The following CPB2 variants were observed in gnomAD, a reference collection of about 807,000 sequenced individuals.
CPB2 encodes carboxypeptidase B-like protein.
Under a neutral mutation model 57.0 loss-of-function variants are expected in CPB2, and 54 were observed. The observed-to-expected ratio is 0.95, with a 90% CI of 0.76 to 1.19. CPB2 has a LOEUF of 1.19. Among genes scored for constraint, CPB2 ranks in the 50% most tolerant of loss-of-function variants. The pLI is 0.00. For synonymous variants in CPB2, 189 were observed against 178.1 expected (o/e 1.06, Z -0.49); for missense variants, 426 against 512.0 (o/e 0.83, Z 1.62).
chr13:46,093,071 C>A (rs188234235), intron 1 of CPB2, among the ~76,000 whole-genome samples: 1 of 152,206 alleles, frequency 6.6e-6, no homozygotes, highest in East Asian at 1.9e-4. Flanking sequence ...CACCACCATG[C>A]CCGGCTAATT....
chr13:46,102,555 A>C lies in CPB2; in HGVS notation c.74+2381T>G, dbSNP rs537849863. Among the ~76,000 whole-genome samples, 190 of 148,184 alleles carry C rather than the reference A, an allele frequency of 1.3e-3. 2 individuals are homozygous for C. Among genetic ancestry groups the C allele is most frequent in the African/African-American group, 4.3e-3 (176 of 40,544 alleles). On this transcript the variant is annotated intron_variant, in intron 1 of 10. Coordinates refer to ENST00000181383, the MANE Select transcript of CPB2 (RefSeq NM_001872.5). ...ATGATTATGACAAAAAAAAAAAAAA[A>C]AACAAAGAACAGCTTTAAGAAAAAG...
At chr13:46,054,667 T>A (rs2044669096) in intron 10 of CPB2, among the ~76,000 whole-genome samples, 1 of 152,026 alleles carries the variant, frequency 6.6e-6, no homozygotes, top group African/African-American at 2.4e-5. Flanking sequence ...AAGCATCTCA[T>A]GAAAGCTACA....
chr13:46,069,228 T>G (rs1470624228), intron 6 of CPB2, among the ~76,000 whole-genome samples: 2 of 152,200 alleles, frequency 1.3e-5, no homozygotes, highest in Non-Finnish European at 2.9e-5. Context: ...AAGGAGTGAG[T>G]GAGGGCTGAA....
At chr13:46,082,750 C>T (rs987667765) in intron 3 of CPB2, among the ~76,000 whole-genome samples, 1 of 152,152 alleles carries the variant, frequency 6.6e-6, no homozygotes, top group Non-Finnish European at 1.5e-5. Context: ...TACATGGGCA[C>T]TAGAGAAAAA....
At chr13:46,087,670 C>T (rs1328927910) in intron 2 of CPB2, 75 bp downstream of exon 2, 2 of 939,166 alleles carry the variant, frequency 2.1e-6, no homozygotes, top group Non-Finnish European at 3.4e-6. Flanking sequence ...AGCCAGACAA[C>T]ATACAGGAGG....
At chr13:46,067,461 T>A (rs1319558092) in intron 6 of CPB2, 44 bp from the exon 7 acceptor site, 3 of 955,858 alleles carry the variant, frequency 3.1e-6, no homozygotes, top group Non-Finnish European at 3.3e-6. Context: ...TTTTAAGTTC[T>A]TCTAAACTTA....
At chr13:46,077,129 G>A (rs2045034078) in intron 5 of CPB2, among the ~76,000 whole-genome samples, 1 of 151,754 alleles carries the variant, frequency 6.6e-6, no homozygotes, top group Non-Finnish European at 1.5e-5. Context: ...GGAAATAACA[G>A]CGTGAAAAGA....
chr13:46,054,296 A>G lies in CPB2; in HGVS notation c.1088-498T>C, dbSNP rs1213723723. ...CCTTCCTCATTTGTCTACTTGGTTC[A>G]TTTTATCAATTGCTTATAAAAACGA... On this transcript the variant is annotated intron_variant, in intron 10 of 10. Transcript: ENST00000181383. Among the ~76,000 whole-genome samples, 3 of 152,032 alleles carry G rather than the reference A, an allele frequency of 2.0e-5. No individual in the cohort carries two copies. In the South Asian group the frequency reaches 6.2e-4, roughly 31 times the overall value.
intron 8 of CPB2, among the ~76,000 whole-genome samples, chr13:46,063,084 C>T (rs1443861281): frequency 2.0e-5 from 3 of 152,122 alleles, no homozygotes; most frequent in African/African-American, 7.2e-5. Flanking sequence ...ATTTTCGTAG[C>T]TGTTTCTGAA....
At chr13:46,060,022 T>A (rs997994292) in intron 8 of CPB2, among the ~76,000 whole-genome samples, 5 of 152,330 alleles carry the variant, frequency 3.3e-5, no homozygotes, top group Middle Eastern at 3.4e-3. Context: ...GAATAGAGAT[T>A]ATATATTGGG....
chr13:46,102,553 A>AAAC (rs1555312030), intron 1 of CPB2, among the ~76,000 whole-genome samples: 1 of 148,834 alleles, frequency 6.7e-6, no homozygotes, highest in East Asian at 2.0e-4. Flanking sequence ...AAAAAAAAAA[A>AAAC]AAAACAAAGA....
chr13:46,103,057 G>A (rs1203423577), intron 1 of CPB2, among the ~76,000 whole-genome samples: 1 of 152,012 alleles, frequency 6.6e-6, no homozygotes, highest in African/African-American at 2.4e-5. Context: ...CTATTTTATT[G>A]TTGGCTACTT....
chr13:46,055,430 C>T (rs2044684554), intron 10 of CPB2, among the ~76,000 whole-genome samples: 1 of 152,178 alleles, frequency 6.6e-6, no homozygotes, highest in African/African-American at 2.4e-5. Context: ...ACCTGCACAA[C>T]CTTCCATGGT....
At chr13:46,094,382 C>T (rs2045336403) in intron 1 of CPB2, among the ~76,000 whole-genome samples, 1 of 152,214 alleles carries the variant, frequency 6.6e-6, no homozygotes, top group Non-Finnish European at 1.5e-5. Flanking sequence ...TGGGTGAGTG[C>T]ACCTCCTTTG....
intron 8 of CPB2, 81 bp downstream of exon 8, chr13:46,064,567 A>C: frequency 8.9e-7 from 1 of 1,120,444 alleles, no homozygotes. Context: ...CTCTGTATTT[A>C]ATTTGAATTC....
intron 5 of CPB2, among the ~76,000 whole-genome samples, chr13:46,077,468 T>C (rs949628939): frequency 6.6e-6 from 1 of 152,178 alleles, no homozygotes; most frequent in Non-Finnish European, 1.5e-5. Context: ...CCTTGTACAC[T>C]GTTGGTAGGA....
At chr13:46,064,516 G>T in intron 8 of CPB2, 132 bp downstream of exon 8, 2 of 709,778 alleles carry the variant, frequency 2.8e-6, no homozygotes, top group Non-Finnish European at 2.4e-6. Context: ...ATTTACCTAA[G>T]CATTTATCAT....
chr13:46,077,968 A>C (rs1187303584), intron 5 of CPB2, among the ~76,000 whole-genome samples: 1 of 152,160 alleles, frequency 6.6e-6, no homozygotes, highest in Non-Finnish European at 1.5e-5. Context: ...TAGTGGGTAC[A>C]AAATAGATAG....
chr13:46,087,878 A>T, intron 1 of CPB2, 58 bp from the exon 2 acceptor site: 1 of 1,188,506 alleles, frequency 8.4e-7, no homozygotes, highest in Non-Finnish European at 1.2e-6. Flanking sequence ...GATGGAATAT[A>T]TTATACTGTG....
Sources: gnomAD v4.1 joint callset for allele counts (sites outside exome capture counted in the v4.1 genomes callset) on GRCh38, gnomAD v4.1.1 for gene constraint, MANE v1.5 for transcripts, NCBI Gene and HGNC (gene_info 2026-07-23, HGNC 2026-07-21) for gene names.